The following SYCP1 variants were observed in gnomAD, a reference collection of about 807,000 sequenced individuals.
SYCP1 encodes synaptonemal complex protein 1, also known as cancer/testis antigen 8.
Under a neutral mutation model 153.1 loss-of-function variants are expected in SYCP1, and 64 were observed. The ratio of observed to expected loss-of-function variants is 0.42; its 90% CI spans 0.34 to 0.51. SYCP1 has a LOEUF of 0.51. Among genes scored for constraint, SYCP1 ranks in the 20% least tolerant of loss-of-function variants. The probability of loss-of-function intolerance (pLI) is 0.06; values close to 1 mark genes in which losing one functional copy is unlikely to be tolerated. For synonymous variants in SYCP1, 384 were observed against 341.8 expected, an observed-to-expected ratio of 1.12 and a Z score of -1.36; for missense variants, 997 against 1,049.0, an observed-to-expected ratio of 0.95 and a Z score of 0.68.
chr1:114,875,452 G>A (rs1665455534), intron 9 of SYCP1, among the ~76,000 whole-genome samples: 1 of 151,768 alleles, frequency 6.6e-6, no homozygotes, highest in African/African-American at 2.4e-5. Flanking sequence ...GTGGAGACGG[G>A]GTTTCACCGT....
intron 16 of SYCP1, among the ~76,000 whole-genome samples, chr1:114,909,054 T>G (rs980406210): frequency 6.6e-6 from 1 of 152,214 alleles, no homozygotes; most frequent in Non-Finnish European, 1.5e-5. Flanking sequence ...AAATCTTAGT[T>G]TAATTCTCTG....
intron 6 of SYCP1, 90 bp downstream of exon 6, chr1:114,858,801 T>G (rs1664183045): frequency 8.7e-7 from 1 of 1,146,890 alleles, no homozygotes; most frequent in African/African-American, 1.5e-5. Context: ...TAAATTGGAT[T>G]GATCTTGTTT....
At chr1:114,972,906 A>T (rs1190029385) in intron 27 of SYCP1, among the ~76,000 whole-genome samples, 1 of 152,118 alleles carries the variant, frequency 6.6e-6, no homozygotes, top group Non-Finnish European at 1.5e-5. Context: ...TATCTATTAG[A>T]TCCATTTGGT....
intron 18 of SYCP1, 72 bp downstream of exon 18, chr1:114,911,654 T>C: frequency 1.5e-6 from 1 of 648,770 alleles, no homozygotes; most frequent in South Asian, 5.3e-5. Flanking sequence ...AATAATAATT[T>C]AGTAAATTAT....
At chr1:114,979,407 T>C (rs1301603202) in intron 28 of SYCP1, among the ~76,000 whole-genome samples, 22 of 151,900 alleles carry the variant, frequency 1.4e-4, no homozygotes, top group Admixed American at 1.4e-3. Flanking sequence ...TTGTGAATTT[T>C]CTGGAAAGGG....
At chr1:114,932,987 C>T (rs573701622) in intron 23 of SYCP1, among the ~76,000 whole-genome samples, 1 of 152,314 alleles carries the variant, frequency 6.6e-6, no homozygotes, top group South Asian at 2.1e-4. Flanking sequence ...TAGCTGAACA[C>T]AAGGCAGCAG....
At chr1:114,900,008 C>T (rs1182254829) in intron 16 of SYCP1, among the ~76,000 whole-genome samples, 1 of 152,146 alleles carries the variant, frequency 6.6e-6, no homozygotes, top group African/African-American at 2.4e-5. Flanking sequence ...TTGCCAAAGT[C>T]GTGATTCAGA....
At chr1:114,952,906 G>A (rs146515574) in intron 27 of SYCP1, among the ~76,000 whole-genome samples, 74 of 152,302 alleles carry the variant, frequency 4.9e-4, no homozygotes, top group African/African-American at 1.8e-3. Flanking sequence ...TTGAGACTGG[G>A]TAATTTATAA....
In SYCP1 at chr1:114,990,821, A is replaced by G. The variant is rs114236825; in HGVS notation, c.2704-3877A>G. On this transcript the variant is annotated intron_variant, in intron 30 of 31. Coordinates refer to ENST00000369522, the MANE Select transcript of SYCP1 (RefSeq NM_003176.4). The stretch of plus-strand genomic sequence containing the variant: ...TTTAAATTGGTAATCAAAAACCTCA[A>G]CAAAGAAAAGTTCTGGACCAGTTGG... Among the ~76,000 whole-genome samples the G allele has an allele frequency of 6.7e-3, 1,016 of 152,094 alleles. 10 individuals carry two copies. Among genetic ancestry groups the G allele is most frequent in the African/African-American group, 0.024 (987 of 41,556 alleles).
At chr1:114,931,618 T>C (rs932648968) in intron 23 of SYCP1, among the ~76,000 whole-genome samples, 8 of 152,154 alleles carry the variant, frequency 5.3e-5, no homozygotes. Context: ...TATTCACTGA[T>C]TGGATGTTTT....
chr1:114,975,387 T>G (rs748956762), intron 27 of SYCP1, among the ~76,000 whole-genome samples: 1 of 151,480 alleles, frequency 6.6e-6, no homozygotes, highest in Non-Finnish European at 1.5e-5. Flanking sequence ...GGAAGGTATA[T>G]GTAGTCTTTT....
intron 23 of SYCP1, among the ~76,000 whole-genome samples, chr1:114,934,629 G>T (rs181238553): frequency 2.0e-5 from 3 of 152,220 alleles, no homozygotes; most frequent in East Asian, 3.9e-4. Flanking sequence ...TGGATAAAGA[G>T]TCAAGACCCA....
At chr1:114,867,538 A>G (rs1664844037) in intron 8 of SYCP1, among the ~76,000 whole-genome samples, 1 of 152,020 alleles carries the variant, frequency 6.6e-6, no homozygotes, top group East Asian at 1.9e-4. Context: ...TGTGTTTTCA[A>G]TTTCAAATTC....
chr1:114,857,756 G>C (rs970579897), intron 5 of SYCP1, among the ~76,000 whole-genome samples: 1 of 152,062 alleles, frequency 6.6e-6, no homozygotes, highest in African/African-American at 2.4e-5. Flanking sequence ...TATCAAGAGA[G>C]TATTTTACAA....
intron 27 of SYCP1, among the ~76,000 whole-genome samples, chr1:114,975,443 A>G (rs974718771): frequency 6.6e-6 from 1 of 151,082 alleles, no homozygotes; most frequent in Non-Finnish European, 1.5e-5. Flanking sequence ...AATGTATCTA[A>G]TACTGTCTCC....
At chr1:114,994,200 C>T (rs1321204605) in intron 30 of SYCP1, among the ~76,000 whole-genome samples, 1 of 151,312 alleles carries the variant, frequency 6.6e-6, no homozygotes, top group African/African-American at 2.4e-5. Flanking sequence ...ACAATTATCT[C>T]TTCAAGACTC....
chr1:114,871,698 G>GGGTTCA (rs1665141087), intron 8 of SYCP1, among the ~76,000 whole-genome samples: 1 of 151,532 alleles, frequency 6.6e-6, no homozygotes, highest in African/African-American at 2.4e-5. Context: ...TCAGCCTCCC[G>GGGTTCA]AGTAGCTGGT....
intron 30 of SYCP1, 122 bp downstream of exon 30, chr1:114,984,990 G>A: frequency 4.7e-6 from 2 of 421,098 alleles, no homozygotes; most frequent in Non-Finnish European, 7.4e-6. Flanking sequence ...GATATACAGT[G>A]GAGCTCTGCT....
At chr1:114,861,860 T>C (rs1664400196) in intron 8 of SYCP1, among the ~76,000 whole-genome samples, 1 of 149,764 alleles carries the variant, frequency 6.7e-6, no homozygotes, top group Non-Finnish European at 1.5e-5. Context: ...AGTGTAATGG[T>C]GTGATCTCGG....
Sources: allele counts gnomAD v4.1 joint callset (sites outside exome capture counted in the v4.1 genomes callset), GRCh38; gene constraint gnomAD v4.1.1; transcripts MANE v1.5; gene names NCBI Gene and HGNC (gene_info 2026-07-23, HGNC 2026-07-21).